SPRED1: variants seen among roughly 807,000 people sequenced by gnomAD.
The protein encoded by SPRED1 is sprouty-related, EVH1 domain-containing protein 1.
Under a neutral mutation model 52.3 loss-of-function variants are expected in SPRED1, and 18 were observed. That is an observed-to-expected ratio of 0.34 (90% CI 0.24 to 0.51). The LOEUF is 0.51. SPRED1 is among the 20% of genes least tolerant of loss of function. The pLI is 0.97. For synonymous variants in SPRED1, 155 were observed against 179.7 expected (o/e 0.86, Z 1.10); for missense variants, 485 against 551.0 (o/e 0.88, Z 1.20).
At chr15:38,292,029 A>G (rs1484781474) in intron 1 of SPRED1, among the ~76,000 whole-genome samples, 1 of 152,188 alleles carries the variant, frequency 6.6e-6, no homozygotes, top group African/African-American at 2.4e-5. Flanking sequence ...CCCTTTGAAA[A>G]CAGCATAAAA....
intron 1 of SPRED1, among the ~76,000 whole-genome samples, chr15:38,285,111 C>A (rs1409515458): frequency 2.0e-5 from 3 of 152,008 alleles, no homozygotes; most frequent in African/African-American, 7.3e-5. Context: ...CTCCTGCTCC[C>A]TCTCCCTCCA....
At chr15:38,329,695 A>G (rs547785119) in intron 4 of SPRED1, among the ~76,000 whole-genome samples, 1 of 152,298 alleles carries the variant, frequency 6.6e-6, no homozygotes, top group South Asian at 2.1e-4. Context: ...CGAAAATTAC[A>G]AAGACAAAAT....
chr15:38,311,767 G>A (rs534847939), intron 2 of SPRED1, among the ~76,000 whole-genome samples: 2 of 152,018 alleles, frequency 1.3e-5, no homozygotes, highest in African/African-American at 2.4e-5. Flanking sequence ...GCAGTATCCC[G>A]TTTCATTCCT....
Position 38,253,151 on chromosome 15 carries a change from C to T in SPRED1, c.-35C>T. On this transcript the variant is annotated 5_prime_UTR_variant, in exon 1 of 7. Coordinates refer to ENST00000299084, the MANE Select transcript of SPRED1 (RefSeq NM_152594.3). ...TGTTGCTCCCCCGCCTGCTGTTGCT[C>T]CTCCATCTCCAGATCGGATCACGGT... is the stretch of plus-strand genomic sequence containing the variant. The T allele has an allele frequency of 1.3e-6, 2 of 1,567,424 alleles. No individual in the cohort carries two copies. The highest frequency in any genetic ancestry group is 1.7e-6 in the Non-Finnish European group (2 of 1,155,468).
At chr15:38,335,564 G>A (rs930690953) in intron 4 of SPRED1, among the ~76,000 whole-genome samples, 15 of 142,894 alleles carry the variant, frequency 1.0e-4, no homozygotes, top group African/African-American at 3.3e-4. Context: ...GTATGTCTCA[G>A]TTAATTATTT....
intron 5 of SPRED1, among the ~76,000 whole-genome samples, chr15:38,348,307 TA>T (rs758962522): frequency 1.6e-4 from 25 of 152,180 alleles, no homozygotes; most frequent in Non-Finnish European, 3.2e-4. Context: ...TTCCTCTTGT[TA>T]ATTTCTAAAT....
chr15:38,275,961 T>G lies in SPRED1; in HGVS notation c.32+22744T>G, dbSNP rs544031205. Among the ~76,000 whole-genome samples, 6 of 152,356 alleles carry G rather than the reference T, an allele frequency of 3.9e-5. No individual in the cohort carries two copies. In the South Asian group the frequency reaches 1.2e-3, roughly 32 times the overall value. On this transcript the variant is annotated intron_variant, in intron 1 of 6. Coordinates refer to ENST00000299084, the MANE Select transcript of SPRED1 (RefSeq NM_152594.3). ...TTACTCTCCTGTGGTACTGTAGTAT[T>G]CCTTTCTTAACATTTGCTTTTCCAT...
At chr15:38,265,249 C>G (rs1032159371) in intron 1 of SPRED1, among the ~76,000 whole-genome samples, 6 of 152,136 alleles carry the variant, frequency 3.9e-5, no homozygotes, top group African/African-American at 1.4e-4. Context: ...GTCCCTACTT[C>G]AGAGGGATAC....
intron 1 of SPRED1, among the ~76,000 whole-genome samples, chr15:38,284,871 T>A (rs924342072): frequency 2.0e-4 from 25 of 124,630 alleles, no homozygotes; most frequent in African/African-American, 1.1e-4. Context: ...TTTTTTTTTT[T>A]AAACCTATTT....
chr15:38,280,528 G>GT (rs11402678), intron 1 of SPRED1, among the ~76,000 whole-genome samples: 125,415 of 152,028 alleles, frequency 0.82, 52,497 homozygotes, highest in Non-Finnish European at 0.9. Flanking sequence ...AAAATCCATT[G>GT]TTTTTTGTGG....
At chr15:38,295,118 A>T (rs986034861) in intron 1 of SPRED1, among the ~76,000 whole-genome samples, 2 of 152,192 alleles carry the variant, frequency 1.3e-5, no homozygotes, top group Non-Finnish European at 2.9e-5. Context: ...AAGAGAATAA[A>T]AGTATGCTAA....
At chr15:38,296,937 T>G (rs944587636) in intron 1 of SPRED1, among the ~76,000 whole-genome samples, 3 of 152,134 alleles carry the variant, frequency 2.0e-5, no homozygotes, top group Non-Finnish European at 2.9e-5. Flanking sequence ...GAACTGAGGG[T>G]GCCCATCGCT....
intron 2 of SPRED1, among the ~76,000 whole-genome samples, chr15:38,317,916 A>G (rs1387487300): frequency 6.6e-6 from 1 of 150,708 alleles, no homozygotes; most frequent in Non-Finnish European, 1.5e-5. Context: ...TGTGTTTAGT[A>G]TGATGAAAGT....
At chr15:38,265,337 T>C (rs1231927007) in intron 1 of SPRED1, among the ~76,000 whole-genome samples, 1 of 152,196 alleles carries the variant, frequency 6.6e-6, no homozygotes, top group African/African-American at 2.4e-5. Context: ...GAACTTTTAG[T>C]TCTTCAGAAG....
intron 1 of SPRED1, among the ~76,000 whole-genome samples, chr15:38,254,531 C>T (rs142339615): frequency 9.8e-5 from 15 of 152,310 alleles, no homozygotes; most frequent in African/African-American, 3.4e-4. Context: ...ATTAAACATC[C>T]ATCACCTTGG....
rs1888502793 is a variant in SPRED1, at chr15:38,352,097, A to G, written c.*433A>G. 5.8e-6 allele frequency: 1 copy of G among 173,160 alleles called. No homozygotes were observed. The highest frequency in any genetic ancestry group is 2.4e-5 in the African/African-American group (1 of 41,854). The allele number at this position is 173,160 out of a possible 1,614,324, so 10.7% of individuals were successfully genotyped here. ...AAGTTAACACTTGGGAATTACAAGA[A>G]GTAAAACAAGTGCAACTAAATCATT... On this transcript the variant is annotated 3_prime_UTR_variant, in exon 7 of 7. Coordinates refer to ENST00000299084, the MANE Select transcript of SPRED1 (RefSeq NM_152594.3).
intron 4 of SPRED1, among the ~76,000 whole-genome samples, chr15:38,334,775 T>A (rs926549390): frequency 6.6e-6 from 1 of 152,036 alleles, no homozygotes; most frequent in African/African-American, 2.4e-5. Context: ...ATATTTTGAT[T>A]CTTGTTTTCT....
At chr15:38,327,170 C>T (rs191716286) in intron 4 of SPRED1, among the ~76,000 whole-genome samples, 32 of 152,234 alleles carry the variant, frequency 2.1e-4, no homozygotes, top group African/African-American at 6.3e-4. Context: ...TCTGTACCTG[C>T]ACCTGTTTAG....
At chr15:38,342,765 A>G (rs530814902) in intron 5 of SPRED1, among the ~76,000 whole-genome samples, 2 of 151,940 alleles carry the variant, frequency 1.3e-5, no homozygotes, top group Non-Finnish European at 2.9e-5. Context: ...TAGGTTATGT[A>G]TTTTGTTTTG....
Sources: gnomAD v4.1 joint callset for allele counts (sites outside exome capture counted in the v4.1 genomes callset) on GRCh38, gnomAD v4.1.1 for gene constraint, MANE v1.5 for transcripts, NCBI Gene and HGNC (gene_info 2026-07-23, HGNC 2026-07-21) for gene names.